The following VIPR2 variants were observed in gnomAD, a reference collection of about 807,000 sequenced individuals.
VIPR2 encodes the protein vasoactive intestinal peptide receptor 2, also known as vasoactive intestinal polypeptide receptor 2.
Under a neutral mutation model 58.0 loss-of-function variants are expected in VIPR2, and 48 were observed. That is an observed-to-expected ratio of 0.83 (90% CI 0.66 to 1.05). The LOEUF is 1.05. Ranked by LOEUF, VIPR2 falls within the 50% of genes least tolerant of loss-of-function variation. The pLI is 0.00. For synonymous variants in VIPR2, 243 were observed against 235.2 expected (o/e 1.03, Z -0.30); for missense variants, 534 against 558.0 (o/e 0.96, Z 0.43).
Position 159,127,102 on chromosome 7 carries a change from A to G in VIPR2, c.151+15344T>C, listed in dbSNP as rs1796679792. Among the ~76,000 whole-genome samples the G allele has an allele frequency of 6.6e-6, 1 of 152,214 alleles. No homozygotes were observed. Among genetic ancestry groups the G allele is most frequent in the Non-Finnish European group, 1.5e-5 (1 of 68,042 alleles). ...TCCAAACGTGTTTAGAATGCTGCAG[A>G]GGATACTTTACAGCAAGCCGGATTT... On this transcript the variant is annotated intron_variant, in intron 2 of 12. Transcript: ENST00000262178. The surrounding 1 kb of genome is among the most constrained non-coding windows in gnomAD (Gnocchi z 4.6).
chr7:159,128,563 C>G lies in VIPR2; in HGVS notation c.151+13883G>C, dbSNP rs1242235654. 6.6e-6 allele frequency among the ~76,000 whole-genome samples: 1 copy of G among 152,176 alleles called. No homozygotes were observed. The highest frequency in any genetic ancestry group is 1.5e-5 in the Non-Finnish European group (1 of 68,024). ...CAGAGGCACTTTCCTCGCCTCTGACCCTGCCTTCTTTGCTCTCCATGAAAT... is the reference window on the plus strand; with the variant it reads ...CAGAGGCACTTTCCTCGCCTCTGACGCTGCCTTCTTTGCTCTCCATGAAAT... On this transcript the variant is annotated intron_variant, in intron 2 of 12. Coordinates refer to ENST00000262178, the MANE Select transcript of VIPR2 (RefSeq NM_003382.5). The surrounding 1 kb of genome is among the most constrained non-coding windows in gnomAD (Gnocchi z 4.1).
chr7:159,104,913 C>T (rs1858557928), intron 3 of VIPR2, among the ~76,000 whole-genome samples: 1 of 150,930 alleles, frequency 6.6e-6, no homozygotes, highest in Non-Finnish European at 1.5e-5. Flanking sequence ...ACCTTCCCTC[C>T]TCCTGGCCAG....
chr7:159,040,782 G>A (rs1854278354), intron 6 of VIPR2, among the ~76,000 whole-genome samples: 1 of 152,222 alleles, frequency 6.6e-6, no homozygotes, highest in Non-Finnish European at 1.5e-5. Context: ...TGGCTGACTT[G>A]TTTATTCAAA....
chr7:159,050,450 A>C (rs1443155379), intron 5 of VIPR2, among the ~76,000 whole-genome samples: 1 of 151,930 alleles, frequency 6.6e-6, no homozygotes, highest in Non-Finnish European at 1.5e-5. Flanking sequence ...ATATTTAAGA[A>C]AACAGATAAA....
chr7:159,063,564 A>G (rs994832967), intron 4 of VIPR2, among the ~76,000 whole-genome samples: 1 of 151,714 alleles, frequency 6.6e-6, no homozygotes, highest in African/African-American at 2.4e-5. Context: ...TGGCCATCCC[A>G]GAAACGGGCT....
In VIPR2 at chr7:159,128,302, C is replaced by T. The variant is rs1296755413; in HGVS notation, c.151+14144G>A. On this transcript the variant is annotated intron_variant, in intron 2 of 12. Transcript: ENST00000262178. This position sits in a 1 kb window ranked among gnomAD's most constrained non-coding sequence, Gnocchi z 4.1. ...CCCAGCTCTCATGATCTCACAGCCC[C>T]ATCCTCCTCCAACCCCTGACCACCC... is the stretch of plus-strand genomic sequence containing the variant. Among the ~76,000 whole-genome samples, 7 of 152,198 alleles carry T rather than the reference C, an allele frequency of 4.6e-5. No individual in the cohort carries two copies. Among genetic ancestry groups the T allele is most frequent in the African/African-American group, 1.7e-4 (7 of 41,442 alleles).
intron 1 of VIPR2, among the ~76,000 whole-genome samples, chr7:159,143,535 C>T (rs1797562143): frequency 6.6e-6 from 1 of 152,182 alleles, no homozygotes; most frequent in African/African-American, 2.4e-5. Context: ...AAGGGGAAAA[C>T]AATGCTGGAA....
At chr7:159,100,833 T>C (rs372648821) in intron 4 of VIPR2, among the ~76,000 whole-genome samples, 35 of 130,690 alleles carry the variant, frequency 2.7e-4, no homozygotes, top group African/African-American at 6.5e-4. Flanking sequence ...TCACGAGATC[T>C]GACGAGGCTG....
intron 2 of VIPR2, among the ~76,000 whole-genome samples, chr7:159,122,140 A>G (rs548351691): frequency 6.6e-6 from 1 of 152,354 alleles, no homozygotes; most frequent in African/African-American, 2.4e-5. Context: ...ACCAGGTGAC[A>G]AAAAGCATAA....
chr7:159,133,409 A>G (rs1200995342), intron 2 of VIPR2, among the ~76,000 whole-genome samples: 1 of 152,296 alleles, frequency 6.6e-6, no homozygotes, highest in Non-Finnish European at 1.5e-5. Context: ...AATCTTTAAA[A>G]TGCAGGCATC....
chr7:159,134,334 A>G (rs422276), intron 2 of VIPR2, among the ~76,000 whole-genome samples: 22,319 of 152,230 alleles, frequency 0.15, 1,679 homozygotes, highest in Middle Eastern at 0.19. Context: ...GGAAATAAAG[A>G]TGAAAGCAAA....
chr7:159,063,935 A>G (rs1343818869), intron 4 of VIPR2, among the ~76,000 whole-genome samples: 9 of 31,544 alleles, frequency 2.9e-4, no homozygotes, highest in Admixed American at 4.5e-4. Context: ...TCCTGGTTGG[A>G]TCTGGGGGGC....
intron 2 of VIPR2, among the ~76,000 whole-genome samples, chr7:159,139,796 A>G (rs925105163): frequency 2.0e-5 from 3 of 152,260 alleles, no homozygotes; most frequent in East Asian, 1.9e-4. Context: ...AAGTCACACG[A>G]AAGTTCCTAT....
chr7:159,075,474 A>G (rs1284756817), intron 4 of VIPR2, among the ~76,000 whole-genome samples: 1 of 152,340 alleles, frequency 6.6e-6, no homozygotes, highest in East Asian at 1.9e-4. Context: ...TTCTCACTCA[A>G]TAAAATCTTC....
intron 5 of VIPR2, among the ~76,000 whole-genome samples, chr7:159,045,987 C>T (rs946150690): frequency 4.0e-5 from 6 of 151,562 alleles, no homozygotes; most frequent in African/African-American, 1.5e-4. Flanking sequence ...TACAAATGGT[C>T]AATAAGCACA....
intron 2 of VIPR2, 34 bp downstream of exon 2, chr7:159,142,412 A>ACC (rs1253026818): frequency 8.6e-6 from 13 of 1,520,442 alleles, no homozygotes; most frequent in Non-Finnish European, 1.1e-5. Flanking sequence ...TGAGAATGTC[A>ACC]CGGGAGTTCT....
Position 159,030,723 on chromosome 7 carries a change from T to C in VIPR2, c.1210A>G (p.Arg404Gly), listed in dbSNP as rs182364293. The change falls in exon 13 of 13, where the codon AGG becomes GGG. Residue 404 changes from arginine (R) to glycine (G), a missense_variant. Physicochemically the swap from Arg to Gly is moderately radical, Grantham distance 125. Around this residue, in one of 3 missense-constraint regions of VIPR2, gnomAD observed 306 missense variants for 285.8 expected, o/e 1.07. Transcript: ENST00000262178. ...CPTPSASRDYRVCGSSFSRNG... is the reference protein window; with the variant it reads ...CPTPSASRDYGVCGSSFSRNG... ...CGGGAGAAGGAGGAACCGCAGACCC[T>C]GTAATCCCGGCTCGCGGACGGGGTC... 290 of 1,595,462 alleles carry C rather than the reference T, an allele frequency of 1.8e-4. No homozygotes were observed. The Middle Eastern group carries it at 2.4e-3, about 13-fold the overall frequency.
chr7:159,117,250 T>C lies in VIPR2; in HGVS notation c.152-7331A>G, dbSNP rs1432833980. 7.1e-6 allele frequency: 5 copies of C among 708,284 alleles called. No individual in the cohort carries two copies. In the East Asian group the frequency reaches 1.3e-4, roughly 19 times the overall value. The allele number at this position is 708,284 out of a possible 1,614,324, so 43.9% of individuals were successfully genotyped here. A position where few individuals can be genotyped will look rare whatever the true frequency, so the allele number is the denominator to read the frequency against. Reference sequence around the variant, plus strand: ...CTCAGACTGCATGGGACTTGCTTTATCACCAGTGTATACCACACACGAGGC... The same window carrying C: ...CTCAGACTGCATGGGACTTGCTTTACCACCAGTGTATACCACACACGAGGC... On this transcript the variant is annotated intron_variant, in intron 2 of 12. Transcript: ENST00000262178.
At chr7:159,071,188 T>A (rs1468000207) in intron 4 of VIPR2, among the ~76,000 whole-genome samples, 1 of 152,224 alleles carries the variant, frequency 6.6e-6, no homozygotes. Context: ...CATGAGGAAC[T>A]GTGCACACTT....
Sources: allele counts gnomAD v4.1 joint callset (sites outside exome capture counted in the v4.1 genomes callset), GRCh38; gene constraint gnomAD v4.1.1; regional missense constraint gnomAD v4.1.1; non-coding constraint Gnocchi (gnomAD v3.1); transcripts MANE v1.5; gene names NCBI Gene and HGNC (gene_info 2026-07-23, HGNC 2026-07-21).